TUBGCP3: variants seen among roughly 807,000 people sequenced by gnomAD.
TUBGCP3 encodes the protein tubulin gamma complex component 3.
In TUBGCP3, 50 loss-of-function variants were observed where a neutral mutation model predicts 123.1. That is an observed-to-expected ratio of 0.41 (90% confidence interval 0.32 to 0.51). The LOEUF is 0.51. Among genes scored for constraint, TUBGCP3 ranks in the 20% least tolerant of loss-of-function variants. The probability of loss-of-function intolerance (pLI) is 0.36; values close to 1 mark genes in which losing one functional copy is unlikely to be tolerated. For synonymous variants in TUBGCP3, 405 were observed against 413.9 expected (o/e 0.98, Z 0.26); for missense variants, 882 against 1,127.0 (o/e 0.78, Z 3.11).
intron 5 of TUBGCP3, among the ~76,000 whole-genome samples, chr13:112,556,587 C>G (rs1880065938): frequency 6.6e-6 from 1 of 152,194 alleles, no homozygotes; most frequent in Admixed American, 6.5e-5. Flanking sequence ...AAATTCTCTA[C>G]TTATTTTAAC....
At chr13:112,600,302 G>A in the TUBGCP3 span, among the ~76,000 whole-genome samples, 1 of 152,148 alleles carries the variant, frequency 6.6e-6, no homozygotes, top group Non-Finnish European at 1.5e-5. Context: ...TAAACTGGAA[G>A]CTGTATGATT....
intron 11 of TUBGCP3, among the ~76,000 whole-genome samples, chr13:112,530,293 A>T (rs1877471332): frequency 6.6e-6 from 1 of 152,270 alleles, no homozygotes; most frequent in Admixed American, 6.5e-5. Flanking sequence ...TGCTATGCTA[A>T]ATGTCTTAAA....
intron 1 of TUBGCP3, among the ~76,000 whole-genome samples, chr13:112,583,469 A>G (rs574386631): frequency 1.3e-5 from 2 of 152,382 alleles, no homozygotes; most frequent in African/African-American, 4.8e-5. Flanking sequence ...CAAGACCCTC[A>G]GCTGGAATTG....
Position 112,486,110 on chromosome 13 carries a change from A to G in TUBGCP3, c.2607T>C (p.Ser869=), listed in dbSNP as rs1423141253. ...QQFLVLLTTS[S]DESLRFLSFR... The stretch of plus-strand genomic sequence containing the variant: ...AGCTAAGAAACCGAAGACTCTCGTC[A>G]GAGCTGGTCGTCAGTAACACCAAAA... The change falls in exon 22 of 22, where the codon TCT becomes TCC. Residue 869 remains serine (S), a synonymous_variant. Transcript: ENST00000261965. The G allele has an allele frequency of 6.2e-7, 1 of 1,610,826 alleles. No homozygotes were observed. Among genetic ancestry groups the G allele is most frequent in the African/African-American group, 1.3e-5 (1 of 74,880 alleles).
chr13:112,528,593 T>C (rs1342365721), intron 11 of TUBGCP3, among the ~76,000 whole-genome samples: 2 of 152,248 alleles, frequency 1.3e-5, no homozygotes, highest in African/African-American at 4.8e-5. Flanking sequence ...AAATTCTTTG[T>C]ACATTAGGAA....
rs749946811 is a variant in TUBGCP3 at position 112,519,057 on chromosome 13, C to G, written c.1882-14G>C. Reference sequence around the variant, plus strand: ...ACCTGGAGAGACCTAACAACAGAAACAAACACATAATTGCAAGACCTTAAG... The same window carrying G: ...ACCTGGAGAGACCTAACAACAGAAAGAAACACATAATTGCAAGACCTTAAG... On this transcript the variant is annotated splice_polypyrimidine_tract_variant and intron_variant, in intron 15 of 21. Coordinates refer to ENST00000261965, the MANE Select transcript of TUBGCP3 (RefSeq NM_006322.6). The surrounding 1 kb of genome is among the most constrained non-coding windows in gnomAD (Gnocchi z 6.2). 7 of 1,609,090 alleles carry G rather than the reference C, an allele frequency of 4.4e-6. No homozygotes were observed. In the South Asian group the frequency reaches 7.7e-5, roughly 18 times the overall value.
the TUBGCP3 span, among the ~76,000 whole-genome samples, chr13:112,597,749 A>G: frequency 6.6e-6 from 1 of 152,212 alleles, no homozygotes; most frequent in African/African-American, 2.4e-5. Context: ...TGAAGAAAAC[A>G]GACACATGAA....
Position 112,519,954 on chromosome 13 carries a change from C to T in TUBGCP3, c.1813G>A (p.Val605Ile). The change falls in exon 15 of 22, where the codon GTC (valine) becomes ATC (isoleucine). Residue 605 changes from valine to isoleucine, a missense_variant. Transcript: ENST00000261965. The surrounding 1 kb of genome is among the most constrained non-coding windows in gnomAD (Gnocchi z 6.2). ...HNLTGILETA[V>I]RATNAQFDSP... is the part of the protein sequence containing the mutation. ...TCAAACTGTGCGTTGGTGGCTCTGA[C>T]AGCGGTTTCTAGAATTCCAGTCAAG... 6.2e-7 allele frequency: 1 copy of T among 1,614,024 alleles called. No homozygotes were observed. The highest frequency in any genetic ancestry group is 1.7e-5 in the Admixed American group (1 of 60,028).
At chr13:112,544,315 G>A (rs1159833457) in intron 11 of TUBGCP3, among the ~76,000 whole-genome samples, 2 of 152,002 alleles carry the variant, frequency 1.3e-5, no homozygotes, top group East Asian at 3.9e-4. Flanking sequence ...AGCCAGGCAT[G>A]GTGGCGGGCA....
intron 17 of TUBGCP3, among the ~76,000 whole-genome samples, chr13:112,509,927 C>T (rs1037760713): frequency 5.9e-5 from 9 of 152,228 alleles, no homozygotes; most frequent in African/African-American, 2.2e-4. Context: ...TGCCTAGGAT[C>T]TCTTTACCCA....
intron 20 of TUBGCP3, among the ~76,000 whole-genome samples, chr13:112,492,130 C>G (rs1880138311): frequency 6.6e-6 from 1 of 152,316 alleles, no homozygotes; most frequent in East Asian, 1.9e-4. Flanking sequence ...GGTATCAATA[C>G]TCTAATCTGG....
intron 14 of TUBGCP3, among the ~76,000 whole-genome samples, chr13:112,520,545 A>G (rs1876533971): frequency 6.6e-6 from 1 of 152,206 alleles, no homozygotes; most frequent in African/African-American, 2.4e-5. Context: ...AAAGAAAAAA[A>G]AAGAACTGAT....
upstream of TUBGCP3, among the ~76,000 whole-genome samples, chr13:112,588,872 A>G (rs544816668): frequency 6.6e-5 from 10 of 152,320 alleles, no homozygotes; most frequent in East Asian, 1.9e-3. Context: ...AGCTATCCCA[A>G]CATCCCAGCT....
chr13:112,505,759 T>C, intron 17 of TUBGCP3, among the ~76,000 whole-genome samples: 1 of 152,164 alleles, frequency 6.6e-6, no homozygotes, highest in East Asian at 1.9e-4. Context: ...AAGCATGAAA[T>C]ACATATGTGA....
intron 1 of TUBGCP3, among the ~76,000 whole-genome samples, chr13:112,575,242 C>T (rs1401370819): frequency 6.6e-6 from 1 of 152,122 alleles, no homozygotes. Flanking sequence ...TGAAAGATAT[C>T]CTTAAAAATG....
intron 13 of TUBGCP3, among the ~76,000 whole-genome samples, chr13:112,525,126 T>A (rs1388221772): frequency 6.6e-6 from 1 of 152,244 alleles, no homozygotes; most frequent in Non-Finnish European, 1.5e-5. Flanking sequence ...GAGGTCCTAG[T>A]CTGTCTCTCT....
intron 21 of TUBGCP3, among the ~76,000 whole-genome samples, 162 bp downstream of exon 21, chr13:112,489,419 C>G (rs1295289735): frequency 6.6e-6 from 1 of 152,242 alleles, no homozygotes; most frequent in Non-Finnish European, 1.5e-5. Flanking sequence ...ATACCCGAGT[C>G]CCCCAGAGGG....
chr13:112,563,483 G>A (rs937850538), intron 3 of TUBGCP3, among the ~76,000 whole-genome samples: 2 of 152,096 alleles, frequency 1.3e-5, no homozygotes, highest in African/African-American at 2.4e-5. Context: ...CCTAGGGAGC[G>A]GGCCACTATT....
chr13:112,489,577 A>G lies in TUBGCP3; in HGVS notation c.2565+4T>C. The G allele has an allele frequency of 1.9e-6, 3 of 1,606,046 alleles. No individual in the cohort carries two copies. The highest frequency in any genetic ancestry group is 2.6e-6 in the Non-Finnish European group (3 of 1,172,550). On this transcript the variant is annotated splice_donor_region_variant and intron_variant, in intron 21 of 21. Transcript: ENST00000261965. ...GAAGAGCCACTCTGTATCCTCATAC[A>G]CACCTGGTAGAAATGGGTCAATATT...
Sources: gnomAD v4.1 joint callset for allele counts (sites outside exome capture counted in the v4.1 genomes callset) on GRCh38, gnomAD v4.1.1 for gene constraint, Gnocchi (gnomAD v3.1) non-coding constraint, MANE v1.5 for transcripts, NCBI Gene and HGNC (gene_info 2026-07-23, HGNC 2026-07-21) for gene names.